The following DOCK1 variants were observed in gnomAD, a reference collection of about 807,000 sequenced individuals.
DOCK1 encodes dedicator of cytokinesis protein 1.
DOCK1 carries 138 observed loss-of-function variants against 262.7 expected under a neutral mutation model. The observed-to-expected ratio is 0.53, with a 90% confidence interval of 0.46 to 0.61. The LOEUF is 0.61. DOCK1 is among the 20% of genes least tolerant of loss of function. The probability of loss-of-function intolerance (pLI) is 0.00; values close to 1 mark genes in which losing one functional copy is unlikely to be tolerated. For missense variants in DOCK1, 1,908 were observed against 2,370.7 expected (o/e 0.80, Z 4.05); for synonymous variants, 866 against 867.4 (o/e 1.00, Z 0.03).
At chr10:127,434,724 C>G (rs1425993447) in intron 48 of DOCK1, among the ~76,000 whole-genome samples, 4 of 151,480 alleles carry the variant, frequency 2.6e-5, no homozygotes, top group African/African-American at 9.7e-5. Context: ...ACGATCTCGG[C>G]TCACTGCAAC....
At chr10:127,017,142 CAGAT>C (rs2042024571) in intron 12 of DOCK1, among the ~76,000 whole-genome samples, 1 of 133,224 alleles carries the variant, frequency 7.5e-6, no homozygotes, top group Admixed American at 7.6e-5. Flanking sequence ...CATACACACA[CAGAT>C]ACAGACACCA....
At position 126,998,245 on chromosome 10, in the gene DOCK1, A is replaced by C; in HGVS notation, c.763A>C (p.Ile255Leu). 3 of 1,613,740 alleles carry C rather than the reference A, an allele frequency of 1.9e-6. No homozygotes were observed. Among genetic ancestry groups the C allele is most frequent in the Non-Finnish European group, 2.5e-6 (3 of 1,179,708 alleles). The change falls in exon 8 of 52, where the codon ATC (isoleucine) becomes CTC (leucine). Residue 255 changes from isoleucine to leucine, a missense_variant. Physicochemically the swap from Ile to Leu is conservative, Grantham distance 5. Coordinates refer to ENST00000623213, the MANE Select transcript of DOCK1 (RefSeq NM_001290223.2). ...SLYDPVESKF[I>L]SENYLVRWSS... The stretch of plus-strand genomic sequence containing the variant: ...ATATGACCCTGTGGAGTCCAAATTC[A>C]TCAGGTGGGTGACATTTCTTGGCTG...
intron 18 of DOCK1, among the ~76,000 whole-genome samples, chr10:127,032,546 T>C: frequency 6.6e-6 from 1 of 152,174 alleles, no homozygotes; most frequent in East Asian, 1.9e-4. Context: ...GTTATTCTTT[T>C]ATTTTTATTT....
At chr10:127,145,774 C>G (rs2051762234) in intron 27 of DOCK1, 1 of 290,704 alleles carries the variant, frequency 3.4e-6, no homozygotes, top group African/African-American at 2.3e-5. Flanking sequence ...CAGGAGCTCC[C>G]ACTCCATCCT....
intron 46 of DOCK1, among the ~76,000 whole-genome samples, chr10:127,420,908 T>G (rs954435052): frequency 6.6e-6 from 1 of 150,902 alleles, no homozygotes; most frequent in East Asian, 2.0e-4. Context: ...TTTATTTGTT[T>G]GTTTGTTTGT....
At chr10:126,952,950 T>C (rs1178985160) in intron 1 of DOCK1, among the ~76,000 whole-genome samples, 2 of 8,384 alleles carry the variant, frequency 2.4e-4, no homozygotes, top group East Asian at 4.0e-3. Context: ...GTGATGGTAG[T>C]GGTAGTATTT....
chr10:126,986,499 C>A (rs965593659), intron 4 of DOCK1, among the ~76,000 whole-genome samples: 10 of 152,226 alleles, frequency 6.6e-5, no homozygotes, highest in African/African-American at 2.4e-4. Context: ...TTCACTCTCT[C>A]CCCCTAACCC....
At chr10:127,056,190 T>C (rs1342178387) in intron 22 of DOCK1, among the ~76,000 whole-genome samples, 1 of 151,242 alleles carries the variant, frequency 6.6e-6, no homozygotes, top group East Asian at 2.0e-4. Context: ...CTGCTGCTGC[T>C]GCTCCTGATC....
chr10:127,034,895 G>T (rs2043488702), intron 18 of DOCK1, among the ~76,000 whole-genome samples: 1 of 152,166 alleles, frequency 6.6e-6, no homozygotes, highest in Non-Finnish European at 1.5e-5. Context: ...ACATCCCCCC[G>T]GGGGGTGGGG....
At chr10:126,913,154 A>G (rs1285600343) in intron 1 of DOCK1, among the ~76,000 whole-genome samples, 1 of 152,244 alleles carries the variant, frequency 6.6e-6, no homozygotes, top group African/African-American at 2.4e-5. Context: ...AGATCCAAAC[A>G]GGAACTTCAG....
intron 1 of DOCK1, among the ~76,000 whole-genome samples, chr10:126,936,169 C>T (rs2034545486): frequency 6.6e-6 from 1 of 152,170 alleles, no homozygotes; most frequent in Non-Finnish European, 1.5e-5. Flanking sequence ...TTTGTACAGA[C>T]AGGGTTTTGC....
At chr10:127,064,263 A>T (rs1302116638) in intron 23 of DOCK1, among the ~76,000 whole-genome samples, 1 of 152,278 alleles carries the variant, frequency 6.6e-6, no homozygotes, top group East Asian at 1.9e-4. Flanking sequence ...ACCCGCCAGC[A>T]TGCCTGGCTA....
At chr10:127,168,815 C>T (rs931991928) in intron 27 of DOCK1, among the ~76,000 whole-genome samples, 1 of 152,326 alleles carries the variant, frequency 6.6e-6, no homozygotes, top group South Asian at 2.1e-4. Context: ...CGTTTATGCA[C>T]AGCTGCTGCA....
rs561296564 is a variant in DOCK1, at chr10:126,995,597, C to T, written c.474-1151C>T. On this transcript the variant is annotated intron_variant, in intron 6 of 51. Transcript: ENST00000623213. This position sits in a 1 kb window ranked among gnomAD's most constrained non-coding sequence, Gnocchi z 5.8. ...TGAGCCGAGATGGCGGCAGTACAGT[C>T]CAGCCTTGGCTCGGCATCAGAGGCA... is the stretch of plus-strand genomic sequence containing the variant. Among the ~76,000 whole-genome samples the T allele has an allele frequency of 3.4e-4, 52 of 152,300 alleles. No homozygotes were observed. In the East Asian group the frequency reaches 3.9e-3, roughly 11 times the overall value.
At chr10:127,444,409 G>A in intron 50 of DOCK1, 130 bp downstream of exon 50, 2 of 1,221,948 alleles carry the variant, frequency 1.6e-6, no homozygotes, top group Admixed American at 3.0e-5. Flanking sequence ...TAAACACCTG[G>A]CTCCCTGGGA....
intron 2 of DOCK1, among the ~76,000 whole-genome samples, chr10:126,974,520 C>T (rs1045001056): frequency 3.3e-5 from 5 of 152,192 alleles, no homozygotes; most frequent in Admixed American, 2.0e-4. Flanking sequence ...ACGTGGAGGC[C>T]ACTTGCAAGC....
chr10:127,447,326 G>A (rs1451406700), intron 50 of DOCK1, 68 bp from the exon 51 acceptor site: 2 of 1,559,918 alleles, frequency 1.3e-6, no homozygotes, highest in Non-Finnish European at 8.7e-7. Context: ...GGAACGTGGA[G>A]CAGCTCCCTG....
At chr10:127,063,432 G>C (rs2045664340) in intron 23 of DOCK1, among the ~76,000 whole-genome samples, 1 of 152,014 alleles carries the variant, frequency 6.6e-6, no homozygotes, top group Admixed American at 6.6e-5. Context: ...TGGTGCAGCT[G>C]TTTGGTGGAG....
Position 127,000,161 on chromosome 10 carries a change from A to G in DOCK1, c.850-11A>G, listed in dbSNP as rs748813769. ...GTCTCCAAAATAATTTATGGAAACT[A>G]ATATTTCTAGGACCTCGGAAGCAAA... On this transcript the variant is annotated splice_polypyrimidine_tract_variant and intron_variant, in intron 9 of 51. Transcript: ENST00000623213. 1 of 1,613,226 alleles carries G rather than the reference A, an allele frequency of 6.2e-7. No homozygotes were observed. Among genetic ancestry groups the G allele is most frequent in the East Asian group, 2.2e-5 (1 of 44,882 alleles).
Sources: allele counts gnomAD v4.1 joint callset (sites outside exome capture counted in the v4.1 genomes callset), GRCh38; gene constraint gnomAD v4.1.1; non-coding constraint Gnocchi (gnomAD v3.1); transcripts MANE v1.5; gene names NCBI Gene and HGNC (gene_info 2026-07-23, HGNC 2026-07-21).